Variants in MDFIC observed in about 807,000 individuals in gnomAD.
The protein encoded by MDFIC is MyoD family inhibitor domain containing.
A neutral mutation model predicts 23.2 loss-of-function variants in MDFIC; 17 were observed. The observed-to-expected ratio is 0.73, with a 90% CI of 0.50 to 1.10. MDFIC has a LOEUF of 1.10. Ranked by LOEUF, MDFIC falls within the 50% of genes least tolerant of loss-of-function variation. The pLI, the probability that MDFIC is intolerant of heterozygous loss-of-function variation, is 0.00. For synonymous variants in MDFIC, 120 were observed against 115.2 expected, an observed-to-expected ratio of 1.04 and a Z score of -0.27; for missense variants, 356 against 316.6, an observed-to-expected ratio of 1.12 and a Z score of -0.95.
rs2115654102 is a variant in MDFIC at position 114,922,617 on chromosome 7, G to C, written c.-127G>C. The C allele has an allele frequency of 7.8e-7, 1 of 1,279,198 alleles. No individual in the cohort carries two copies. The highest frequency in any genetic ancestry group is 3.1e-5 in the East Asian group (1 of 32,148). The allele number at this position is 1,279,198 out of a possible 1,614,324, so 79.2% of individuals were successfully genotyped here. A position where few individuals can be genotyped will look rare whatever the true frequency, so the allele number is the denominator to read the frequency against. ...GGAGGAGGAGGAAGGGGCTTGGAGCGACTACGGGGGGATGCGGAGGTAGGT... is the reference window on the plus strand; with the variant it reads ...GGAGGAGGAGGAAGGGGCTTGGAGCCACTACGGGGGGATGCGGAGGTAGGT... On this transcript the variant is annotated 5_prime_UTR_variant, in exon 1 of 5. Coordinates refer to ENST00000393486, the MANE Select transcript of MDFIC (RefSeq NM_001166345.3).
At chr7:114,949,471 A>C (rs1792716905) in intron 3 of MDFIC, among the ~76,000 whole-genome samples, 1 of 152,216 alleles carries the variant, frequency 6.6e-6, no homozygotes, top group African/African-American at 2.4e-5. Flanking sequence ...CTCAAACCTC[A>C]AACTTCCTGG....
At chr7:114,939,889 T>G (rs1377845144) in intron 2 of MDFIC, among the ~76,000 whole-genome samples, 1 of 152,220 alleles carries the variant, frequency 6.6e-6, no homozygotes, top group Non-Finnish European at 1.5e-5. Context: ...CCTACTAGCA[T>G]GACACCTGGC....
At chr7:114,978,777 A>C (rs1471654098) in intron 3 of MDFIC, among the ~76,000 whole-genome samples, 1 of 152,058 alleles carries the variant, frequency 6.6e-6, no homozygotes, top group Non-Finnish European at 1.5e-5. Flanking sequence ...AGACCTATTA[A>C]ATTTCTTTGT....
At chr7:114,959,417 C>T (rs1792944352) in intron 3 of MDFIC, among the ~76,000 whole-genome samples, 1 of 152,142 alleles carries the variant, frequency 6.6e-6, no homozygotes, top group South Asian at 2.1e-4. Flanking sequence ...GTCATTTTCA[C>T]ATCTTTGTTC....
In MDFIC at chr7:115,015,813, G is replaced by A. The variant is rs377471907; in HGVS notation, c.619G>A (p.Glu207Lys). 3.0e-5 allele frequency: 48 copies of A among 1,614,104 alleles called. No homozygotes were observed. Among genetic ancestry groups the A allele is most frequent in the African/African-American group, 9.3e-5 (7 of 74,932 alleles). Residue 207 changes from glutamate to lysine, a missense_variant, in exon 5 of 5, where the codon GAG (glutamate) becomes AAG (lysine). Transcript: ENST00000393486. ...SEACCCCCGD[E>K]MGDDCNCPCD... ...AGCCTGCTGCTGTTGCTGTGGTGAC[G>A]AGATGGGGGATGATTGTAACTGCCC...
intron 4 of MDFIC, 76 bp from the exon 5 acceptor site, chr7:115,015,612 T>C (rs751561053): frequency 5.8e-6 from 9 of 1,539,068 alleles, no homozygotes; most frequent in South Asian, 2.5e-5. Context: ...TCAATTCTTA[T>C]TGAGTCAATT....
At chr7:114,971,469 G>A (rs935642031) in intron 3 of MDFIC, among the ~76,000 whole-genome samples, 6 of 152,150 alleles carry the variant, frequency 3.9e-5, no homozygotes, top group Admixed American at 2.6e-4. Context: ...CTGGGTCTGG[G>A]ACCTCTATCA....
At chr7:115,002,621 C>A (rs548031126) in intron 4 of MDFIC, among the ~76,000 whole-genome samples, 1 of 152,218 alleles carries the variant, frequency 6.6e-6, no homozygotes, top group Non-Finnish European at 1.5e-5. Context: ...CTCCCTCCCC[C>A]TCAGGGGAAG....
intron 3 of MDFIC, among the ~76,000 whole-genome samples, chr7:114,967,761 T>C (rs899878895): frequency 6.6e-6 from 1 of 151,952 alleles, no homozygotes; most frequent in Non-Finnish European, 1.5e-5. Context: ...AATGGCACAA[T>C]TAGAGGAAAA....
At chr7:115,002,484 C>T (rs1242796451) in intron 4 of MDFIC, among the ~76,000 whole-genome samples, 1 of 152,220 alleles carries the variant, frequency 6.6e-6, no homozygotes, top group Non-Finnish European at 1.5e-5. Flanking sequence ...ATAAGTGCCA[C>T]ACTCTTCTAG....
At chr7:114,983,316 CA>C (rs1164018880) in intron 4 of MDFIC, among the ~76,000 whole-genome samples, 2 of 152,014 alleles carry the variant, frequency 1.3e-5, no homozygotes, top group African/African-American at 2.4e-5. Flanking sequence ...ACTGGAATAA[CA>C]TTTTTTTTGG....
intron 2 of MDFIC, among the ~76,000 whole-genome samples, chr7:114,936,708 CA>C (rs530760572): frequency 3.4e-4 from 51 of 152,186 alleles, no homozygotes; most frequent in Non-Finnish European, 6.9e-4. Context: ...AGCTGAGCTG[CA>C]GAGGATTTTA....
chr7:114,968,879 G>T (rs1793152303), intron 3 of MDFIC, among the ~76,000 whole-genome samples: 1 of 152,070 alleles, frequency 6.6e-6, no homozygotes, highest in South Asian at 2.1e-4. Context: ...ATTTAATTTT[G>T]TAAATGTTCA....
intron 3 of MDFIC, among the ~76,000 whole-genome samples, chr7:114,952,831 T>G (rs1353699070): frequency 6.6e-6 from 1 of 152,200 alleles, no homozygotes; most frequent in Non-Finnish European, 1.5e-5. Context: ...AAGATATTAA[T>G]ATATCATTTA....
At chr7:114,950,727 C>T (rs538328836) in intron 3 of MDFIC, among the ~76,000 whole-genome samples, 1 of 152,152 alleles carries the variant, frequency 6.6e-6, no homozygotes, top group East Asian at 1.9e-4. Flanking sequence ...ACTAAAAGTG[C>T]TATAATCAGA....
In MDFIC at chr7:114,942,355, C is replaced by G; in HGVS notation, c.175C>G (p.Gln59Glu). The G allele has an allele frequency of 6.2e-7, 1 of 1,605,248 alleles. No individual in the cohort carries two copies. Among genetic ancestry groups the G allele is most frequent in the Admixed American group, 1.7e-5 (1 of 59,178 alleles). Reference sequence around the variant, plus strand: ...CTTCACACATGGAGAGATGCAAGACCAGTCCATTTGGGGAAATCCTTCGGA... The same window carrying G: ...CTTCACACATGGAGAGATGCAAGACGAGTCCATTTGGGGAAATCCTTCGGA... ...SHFTHGEMQD[Q>E]SIWGNPSDGE... The change falls in exon 3 of 5, where the codon CAG becomes GAG. Residue 59 changes from glutamine (Q) to glutamate (E), a missense_variant. Physicochemically the swap from Gln to Glu is conservative, Grantham distance 29. Coordinates refer to ENST00000393486, the MANE Select transcript of MDFIC (RefSeq NM_001166345.3).
At chr7:114,997,471 C>T (rs1348338737) in intron 4 of MDFIC, among the ~76,000 whole-genome samples, 2 of 151,486 alleles carry the variant, frequency 1.3e-5, no homozygotes, top group Non-Finnish European at 2.9e-5. Context: ...AAAGGGTCAC[C>T]TGGGGCAGTG....
chr7:114,948,685 T>C (rs1316980110), intron 3 of MDFIC, among the ~76,000 whole-genome samples: 1 of 152,192 alleles, frequency 6.6e-6, no homozygotes, highest in Non-Finnish European at 1.5e-5. Flanking sequence ...TGTGTAATCC[T>C]ACTGCATATA....
At chr7:114,956,144 T>C (rs1221507233) in intron 3 of MDFIC, among the ~76,000 whole-genome samples, 1 of 152,126 alleles carries the variant, frequency 6.6e-6, no homozygotes, top group Non-Finnish European at 1.5e-5. Context: ...ATAACCTTAT[T>C]CCAAGCTCCC....
Sources: gnomAD v4.1 joint callset for allele counts (sites outside exome capture counted in the v4.1 genomes callset) on GRCh38, gnomAD v4.1.1 for gene constraint, MANE v1.5 for transcripts, NCBI Gene and HGNC (gene_info 2026-07-23, HGNC 2026-07-21) for gene names.